CHIC2: variants seen among roughly 807,000 people sequenced by gnomAD.
The protein encoded by CHIC2 is cysteine-rich hydrophobic domain-containing protein 2.
Under a neutral mutation model 25.9 loss-of-function variants are expected in CHIC2, and 14 were observed. The observed-to-expected ratio is 0.54, with a 90% CI of 0.36 to 0.85. The LOEUF is 0.85. Ranked by LOEUF, CHIC2 falls within the 40% of genes least tolerant of loss-of-function variation. The pLI, the probability that CHIC2 is intolerant of heterozygous loss-of-function variation, is 0.01. For synonymous variants in CHIC2, 70 were observed against 72.0 expected (o/e 0.97, Z 0.14); for missense variants, 146 against 202.0 (o/e 0.72, Z 1.68).
chr4:54,050,095 G>A, intron 1 of CHIC2, among the ~76,000 whole-genome samples: 1 of 152,156 alleles, frequency 6.6e-6, no homozygotes, highest in East Asian at 1.9e-4. Context: ...GGAGAACAGA[G>A]AATTCATTCA....
chr4:54,050,825 C>A (rs1716988088), intron 1 of CHIC2, among the ~76,000 whole-genome samples: 1 of 152,040 alleles, frequency 6.6e-6, no homozygotes, highest in African/African-American at 2.4e-5. Flanking sequence ...GATGAAATTG[C>A]CTACTGACCC....
intron 3 of CHIC2, among the ~76,000 whole-genome samples, chr4:54,037,297 G>A (rs1445143212): frequency 6.6e-6 from 1 of 151,982 alleles, no homozygotes; most frequent in Non-Finnish European, 1.5e-5. Flanking sequence ...AGGCTGTAGT[G>A]AGCCATGATC....
chr4:54,021,966 T>G (rs750065714), intron 3 of CHIC2, among the ~76,000 whole-genome samples: 13 of 152,094 alleles, frequency 8.5e-5, no homozygotes, highest in Non-Finnish European at 1.3e-4. Context: ...TCCAGTTCCT[T>G]GCCTCCACTG....
intron 3 of CHIC2, among the ~76,000 whole-genome samples, chr4:54,030,175 T>TA (rs975940563): frequency 2.0e-4 from 31 of 152,086 alleles, no homozygotes; most frequent in African/African-American, 7.2e-4. Context: ...CAATTATCTT[T>TA]AAAAAAATTC....
chr4:54,054,805 T>C (rs1049625610), intron 1 of CHIC2, among the ~76,000 whole-genome samples: 4 of 152,122 alleles, frequency 2.6e-5, no homozygotes, highest in Non-Finnish European at 5.9e-5. Context: ...ATAAGACAAA[T>C]AGATGGTAAC....
At chr4:54,079,024 C>G in the CHIC2 span, among the ~76,000 whole-genome samples, 1 of 151,088 alleles carries the variant, frequency 6.6e-6, no homozygotes, top group Admixed American at 6.6e-5. Flanking sequence ...CGAGACCAGC[C>G]TAGCCAACAT....
chr4:54,074,884 A>C, the CHIC2 span, among the ~76,000 whole-genome samples: 3 of 152,170 alleles, frequency 2.0e-5, no homozygotes, highest in Non-Finnish European at 4.4e-5. Flanking sequence ...AAGGCAAGAG[A>C]ATTGTTTGAG....
At chr4:54,045,069 G>T (rs1040760697) in intron 3 of CHIC2, among the ~76,000 whole-genome samples, 1 of 152,092 alleles carries the variant, frequency 6.6e-6, no homozygotes, top group African/African-American at 2.4e-5. Flanking sequence ...TAAATTCCTC[G>T]ACACATACAC....
At chr4:54,034,411 A>C (rs907212031) in intron 3 of CHIC2, among the ~76,000 whole-genome samples, 5 of 152,050 alleles carry the variant, frequency 3.3e-5, no homozygotes, top group African/African-American at 9.7e-5. Context: ...TCTCAAAAAA[A>C]AAAAAGTATT....
rs540780696 is a variant in CHIC2 at position 54,032,715 on chromosome 4, C to A, written c.330+16240G>T. Among the ~76,000 whole-genome samples the A allele has an allele frequency of 6.3e-4, 96 of 152,250 alleles. 2 individuals are homozygous for A. The South Asian group carries it at 0.02, about 31-fold the overall frequency. ...ACACAAACCCAAAATTATAGTCAAT[C>A]CATAGAAATGCATTTAAGGAACTGA... On this transcript the variant is annotated intron_variant, in intron 3 of 5. Transcript: ENST00000263921.
upstream of CHIC2, among the ~76,000 whole-genome samples, chr4:54,065,614 ACT>A (rs1223199266): frequency 2.6e-5 from 4 of 152,210 alleles, no homozygotes; most frequent in Non-Finnish European, 5.9e-5. Flanking sequence ...CACTTTGGGT[ACT>A]TGGTTTCATT....
At chr4:54,016,698 CTTAA>C (rs1242270070) in intron 3 of CHIC2, among the ~76,000 whole-genome samples, 1 of 151,938 alleles carries the variant, frequency 6.6e-6, no homozygotes, top group Non-Finnish European at 1.5e-5. Flanking sequence ...GCACGTGCAG[CTTAA>C]TTAATCATTG....
the CHIC2 span, among the ~76,000 whole-genome samples, chr4:54,081,508 A>G: frequency 1.3e-5 from 2 of 152,078 alleles, no homozygotes; most frequent in South Asian, 2.1e-4. Flanking sequence ...CTACTTATCT[A>G]CCTCTCTAAG....
At chr4:54,089,663 G>A in the CHIC2 span, among the ~76,000 whole-genome samples, 2 of 152,072 alleles carry the variant, frequency 1.3e-5, no homozygotes, top group Admixed American at 6.5e-5. Context: ...ATTTTAACAG[G>A]ACTAAAAATG....
At chr4:54,057,262 T>C (rs1430937877) in intron 1 of CHIC2, among the ~76,000 whole-genome samples, 1 of 152,248 alleles carries the variant, frequency 6.6e-6, no homozygotes, top group Non-Finnish European at 1.5e-5. Flanking sequence ...TCATGTCTTA[T>C]GGAAGCTGCT....
At chr4:54,044,431 C>A (rs979383282) in intron 3 of CHIC2, among the ~76,000 whole-genome samples, 17 of 152,150 alleles carry the variant, frequency 1.1e-4, no homozygotes, top group South Asian at 2.1e-4. Flanking sequence ...TGTAAAAGAA[C>A]AGAAATTATA....
chr4:54,050,028 A>C (rs1394169954), intron 1 of CHIC2, among the ~76,000 whole-genome samples: 1 of 152,166 alleles, frequency 6.6e-6, no homozygotes, highest in Non-Finnish European at 1.5e-5. Flanking sequence ...AAGAAGATAA[A>C]AGACATAATA....
chr4:54,062,966 T>C (rs1487496965), intron 1 of CHIC2, among the ~76,000 whole-genome samples: 1 of 152,218 alleles, frequency 6.6e-6, no homozygotes, highest in Non-Finnish European at 1.5e-5. Flanking sequence ...ATGGCAATTA[T>C]GCAGTGTTTT....
chr4:54,058,302 ATC>A (rs1717233817), intron 1 of CHIC2, among the ~76,000 whole-genome samples: 1 of 152,150 alleles, frequency 6.6e-6, no homozygotes, highest in Admixed American at 6.5e-5. Flanking sequence ...GGTGGATATT[ATC>A]TCTTTCGCAG....
Sources: gnomAD v4.1 joint callset for allele counts (sites outside exome capture counted in the v4.1 genomes callset) on GRCh38, gnomAD v4.1.1 for gene constraint, MANE v1.5 for transcripts, NCBI Gene and HGNC (gene_info 2026-07-23, HGNC 2026-07-21) for gene names.